Variants in WNK3 observed in about 807,000 individuals in gnomAD.
WNK3 encodes the protein WNK lysine deficient protein kinase 3.
In WNK3, 18 loss-of-function variants were observed where a neutral mutation model predicts 116.7. The ratio of observed to expected loss-of-function variants is 0.15; its 90% confidence interval spans 0.11 to 0.23. The LOEUF is 0.23. WNK3 is among the 10% of genes least tolerant of loss of function. The pLI is 1.00. For missense variants in WNK3, 993 were observed against 1,323.8 expected, an observed-to-expected ratio of 0.75 and a Z score of 3.88; for synonymous variants, 404 against 469.4, an observed-to-expected ratio of 0.86 and a Z score of 1.80.
At chrX:54,312,803 T>A (rs1412728787) in intron 2 of WNK3, among the ~76,000 whole-genome samples, 2 of 111,485 alleles carry the variant, frequency 1.8e-5, no homozygotes, top group African/African-American at 3.3e-5. Flanking sequence ...TAATCGTTTT[T>A]CAGAAAGCCC....
chrX:54,265,473 C>G (rs1050845812), intron 10 of WNK3, among the ~76,000 whole-genome samples: 5 of 110,267 alleles, frequency 4.5e-5, no homozygotes, highest in Admixed American at 3.9e-4. Context: ...GGTGACAGAG[C>G]GAGACTCCGT....
Position 54,291,227 on chromosome X carries a change from C to T in WNK3, c.2037+1661G>A, listed in dbSNP as rs782245387. Among the ~76,000 whole-genome samples the T allele has an allele frequency of 3.6e-3, 401 of 110,575 alleles. 2 individuals carry two copies. The highest frequency in any genetic ancestry group is 0.012 in the African/African-American group (370 of 30,435). ...ACTCGGGAGGCTGTGGCAGAAGAAT[C>T]GTTTGAACCCGGGAGGCGGAGGTTG... On this transcript the variant is annotated intron_variant, in intron 10 of 23. Coordinates refer to ENST00000354646, the Ensembl canonical transcript of WNK3.
intron 3 of WNK3, among the ~76,000 whole-genome samples, chrX:54,310,558 A>AATAAT (rs1162310137): frequency 1.0e-5 from 1 of 99,318 alleles, no homozygotes; most frequent in African/African-American, 4.5e-5. Context: ...CCCAAAAAAT[A>AATAAT]ATAAAATAAA....
intron 2 of WNK3, among the ~76,000 whole-genome samples, chrX:54,315,680 G>A (rs2068946377): frequency 9.0e-6 from 1 of 111,489 alleles, no homozygotes; most frequent in South Asian, 3.8e-4. Flanking sequence ...TTATTTACCA[G>A]ATTTTACTAG....
intron 7 of WNK3, among the ~76,000 whole-genome samples, chrX:54,295,187 C>T (rs781810912): frequency 3.7e-5 from 4 of 108,896 alleles, no homozygotes; most frequent in African/African-American, 1.0e-4. Flanking sequence ...TGAGCCACCG[C>T]GCCCGGCCAA....
At chrX:54,248,400 T>C (rs372088776) in intron 17 of WNK3, among the ~76,000 whole-genome samples, 2 of 111,538 alleles carry the variant, frequency 1.8e-5, no homozygotes, top group South Asian at 7.7e-4. Context: ...AAGTTCTTCC[T>C]ACCCACTAAA....
At chrX:54,278,177 C>T (rs2068472812) in intron 10 of WNK3, among the ~76,000 whole-genome samples, 1 of 109,181 alleles carries the variant, frequency 9.2e-6, no homozygotes, top group Admixed American at 9.9e-5. Flanking sequence ...AACAAAAGAG[C>T]CTTAGGATTT....
At chrX:54,243,292 G>A (rs1235459554) in intron 17 of WNK3, among the ~76,000 whole-genome samples, 3 of 107,808 alleles carry the variant, frequency 2.8e-5, no homozygotes, top group African/African-American at 1.0e-4. Flanking sequence ...GCAGTGGTGG[G>A]CACCTGTAGT....
At chrX:54,231,080 T>C (rs1018993190) in intron 21 of WNK3, among the ~76,000 whole-genome samples, 2 of 112,384 alleles carry the variant, frequency 1.8e-5, no homozygotes, top group African/African-American at 6.5e-5. Flanking sequence ...GGATCACGAG[T>C]AACCAGTGTT....
chrX:54,220,912 T>G (rs2067754516), intron 22 of WNK3, among the ~76,000 whole-genome samples: 1 of 111,402 alleles, frequency 9.0e-6, no homozygotes, highest in South Asian at 3.8e-4. Flanking sequence ...CAGATGTTTC[T>G]GTGAGCTGGA....
intron 6 of WNK3, among the ~76,000 whole-genome samples, chrX:54,299,454 T>G (rs1336280803): frequency 9.4e-6 from 1 of 106,445 alleles, no homozygotes; most frequent in Admixed American, 1.0e-4. Context: ...TTGGTGTTTT[T>G]TTTTTTTTTT....
At chrX:54,251,594 G>A in exon 14 of WNK3, 3 of 1,210,473 alleles carry the variant, frequency 2.5e-6, no homozygotes, top group Non-Finnish European at 3.4e-6. Context: ...GTGGCAAAGT[G>A]GACATGAAGG....
intron 10 of WNK3, among the ~76,000 whole-genome samples, chrX:54,271,216 C>T (rs559433384): frequency 8.9e-6 from 1 of 111,954 alleles, no homozygotes; most frequent in East Asian, 2.8e-4. Context: ...AGAATACCAC[C>T]TATAAGCACT....
chrX:54,294,470 T>C (rs1422863782), intron 8 of WNK3, 83 bp downstream of exon 8: 24 of 784,017 alleles, frequency 3.1e-5, no homozygotes, highest in East Asian at 1.1e-4. Flanking sequence ...AAATAGGTCA[T>C]TGACCACTGC....
chrX:54,287,924 T>A (rs2068597902), intron 10 of WNK3, among the ~76,000 whole-genome samples: 1 of 112,374 alleles, frequency 8.9e-6, no homozygotes, highest in African/African-American at 3.2e-5. Context: ...GCTGTGTGTG[T>A]AACACAGAAA....
intron 22 of WNK3, among the ~76,000 whole-genome samples, chrX:54,226,094 C>CAAAAA (rs2067833214): frequency 5.0e-4 from 6 of 11,993 alleles, no homozygotes; most frequent in East Asian, 0.056. Flanking sequence ...ATCCACATAC[C>CAAAAA]CAAAAAAAAA....
chrX:54,302,757 A>ATATATATAT (rs1557167848), intron 5 of WNK3, among the ~76,000 whole-genome samples: 23 of 43,367 alleles, frequency 5.3e-4, no homozygotes, highest in African/African-American at 6.7e-4. Flanking sequence ...ATATATATAT[A>ATATATATAT]TTTTTTTTTT....
At chrX:54,279,001 G>A (rs904331553) in intron 10 of WNK3, among the ~76,000 whole-genome samples, 1 of 111,337 alleles carries the variant, frequency 9.0e-6, no homozygotes, top group Non-Finnish European at 1.9e-5. Flanking sequence ...CCGGGAGGCG[G>A]AGGTTGCAGT....
intron 1 of WNK3, among the ~76,000 whole-genome samples, chrX:54,341,375 C>T (rs781802897): frequency 8.5e-4 from 92 of 108,529 alleles, no homozygotes; most frequent in Non-Finnish European, 1.3e-3. Context: ...CCAACCTGGG[C>T]GAAAGAGTGA....
Sources: gnomAD v4.1 joint callset for allele counts (sites outside exome capture counted in the v4.1 genomes callset) on GRCh38, gnomAD v4.1.1 for gene constraint, MANE v1.5 for transcripts, NCBI Gene and HGNC (gene_info 2026-07-23, HGNC 2026-07-21) for gene names.